The following CSTPP1 variants were observed in gnomAD, a reference collection of about 807,000 sequenced individuals.
The protein encoded by CSTPP1 is UPF0705 protein C11orf49.
At chr11:47,161,356 T>TG in the CSTPP1 span, 7 of 1,587,092 alleles carry the variant, frequency 4.4e-6, no homozygotes, top group African/African-American at 1.4e-5. Flanking sequence ...CTGAGTCCTT[T>TG]GGGGGCTGCA....
the CSTPP1 span, among the ~76,000 whole-genome samples, chr11:46,983,047 G>A: frequency 1.3e-5 from 2 of 152,242 alleles, no homozygotes; most frequent in African/African-American, 4.8e-5. Context: ...CTTAACCATT[G>A]CAGTAAAAAT....
At chr11:47,164,262 C>A in the CSTPP1 span, 2 of 1,609,648 alleles carry the variant, frequency 1.2e-6, no homozygotes, top group Non-Finnish European at 1.7e-6. Flanking sequence ...AGGCCAGGGG[C>A]CGGCACTGGG....
the CSTPP1 span, among the ~76,000 whole-genome samples, chr11:46,937,969 G>C: frequency 6.6e-6 from 1 of 152,020 alleles, no homozygotes; most frequent in African/African-American, 2.4e-5. Context: ...CTGCCTCCCG[G>C]ATTCAAGCGA....
chr11:46,961,044 A>C, the CSTPP1 span, among the ~76,000 whole-genome samples: 1 of 152,146 alleles, frequency 6.6e-6, no homozygotes, highest in Non-Finnish European at 1.5e-5. Context: ...TCTGTATACA[A>C]GTTTTTGTTC....
chr11:47,148,143 C>A, the CSTPP1 span, among the ~76,000 whole-genome samples: 1 of 152,162 alleles, frequency 6.6e-6, no homozygotes, highest in Non-Finnish European at 1.5e-5. Context: ...GCCCAGGACA[C>A]CTTCATAGCG....
At chr11:47,053,284 A>T in the CSTPP1 span, among the ~76,000 whole-genome samples, 1 of 152,126 alleles carries the variant, frequency 6.6e-6, no homozygotes, top group Admixed American at 6.5e-5. Flanking sequence ...ATGAGACTGT[A>T]AAGGAATAAT....
chr11:47,155,027 T>C, the CSTPP1 span: 1 of 702,328 alleles, frequency 1.4e-6, no homozygotes, highest in Non-Finnish European at 2.5e-6. Flanking sequence ...CTCCTAAATG[T>C]CCTGCTGCCC....
At chr11:47,110,332 TAAG>T in the CSTPP1 span, among the ~76,000 whole-genome samples, 17 of 152,212 alleles carry the variant, frequency 1.1e-4, no homozygotes, top group Admixed American at 1.1e-3. Flanking sequence ...ATGTAGCAAT[TAAG>T]AACTTCTAAA....
the CSTPP1 span, among the ~76,000 whole-genome samples, chr11:47,102,536 T>A: frequency 1.3e-5 from 2 of 151,456 alleles, no homozygotes; most frequent in Non-Finnish European, 2.9e-5. Flanking sequence ...AAAAAATATA[T>A]AGATAGATAA....
At chr11:47,066,486 T>C in the CSTPP1 span, among the ~76,000 whole-genome samples, 1 of 152,200 alleles carries the variant, frequency 6.6e-6, no homozygotes, top group East Asian at 1.9e-4. Context: ...TGTACAGGGC[T>C]ATCCACCTTG....
At chr11:47,020,972 G>A in the CSTPP1 span, among the ~76,000 whole-genome samples, 1 of 152,290 alleles carries the variant, frequency 6.6e-6, no homozygotes, top group African/African-American at 2.4e-5. Context: ...ACGAAACCAT[G>A]TAGTGGCAGT....
the CSTPP1 span, among the ~76,000 whole-genome samples, chr11:46,973,719 G>A: frequency 1.3e-5 from 2 of 151,860 alleles, no homozygotes; most frequent in African/African-American, 4.8e-5. Flanking sequence ...TACAAGAGAA[G>A]CTGAGAAATA....
At chr11:47,122,090 AAATATAT>A in the CSTPP1 span, among the ~76,000 whole-genome samples, 2 of 91,256 alleles carry the variant, frequency 2.2e-5, no homozygotes, top group Admixed American at 1.2e-4. Context: ...AAAAAAAAAA[AAATATAT>A]ATATATATAT....
the CSTPP1 span, among the ~76,000 whole-genome samples, chr11:47,069,205 T>C: frequency 6.6e-6 from 1 of 152,172 alleles, no homozygotes; most frequent in Non-Finnish European, 1.5e-5. Context: ...CTTCAACCCT[T>C]CCCCATTGTG....
At chr11:47,039,288 G>A in the CSTPP1 span, among the ~76,000 whole-genome samples, 3 of 128,012 alleles carry the variant, frequency 2.3e-5, no homozygotes, top group African/African-American at 7.4e-5. Flanking sequence ...ATCACTCGCG[G>A]TTAGGAGCTG....
the CSTPP1 span, among the ~76,000 whole-genome samples, chr11:47,047,655 G>A: frequency 6.6e-6 from 1 of 152,142 alleles, no homozygotes; most frequent in Admixed American, 6.5e-5. Context: ...AAAAAATATA[G>A]ATAAATTGGA....
chr11:46,958,079 G>A, the CSTPP1 span, among the ~76,000 whole-genome samples: 13 of 152,220 alleles, frequency 8.5e-5, no homozygotes, highest in South Asian at 4.2e-4. Context: ...TGAAAACAAC[G>A]ATGAAGACCT....
the CSTPP1 span, among the ~76,000 whole-genome samples, chr11:46,955,142 C>T: frequency 6.6e-6 from 1 of 152,180 alleles, no homozygotes; most frequent in Admixed American, 6.5e-5. Context: ...TCATTCATCT[C>T]CTATTAAACA....
At chr11:46,989,208 CA>C in the CSTPP1 span, among the ~76,000 whole-genome samples, 1 of 151,042 alleles carries the variant, frequency 6.6e-6, no homozygotes, top group Non-Finnish European at 1.5e-5. Flanking sequence ...CCAGCCTGGC[CA>C]ACAGAGAGAG....
Sources: allele counts gnomAD v4.1 joint callset (sites outside exome capture counted in the v4.1 genomes callset), GRCh38; gene constraint gnomAD v4.1.1; transcripts MANE v1.5; gene names NCBI Gene and HGNC (gene_info 2026-07-23, HGNC 2026-07-21).